JAK2: variants seen among roughly 807,000 people sequenced by gnomAD.
JAK2 encodes the protein Janus kinase 2, also known as tyrosine-protein kinase JAK2.
A neutral mutation model predicts 139.3 loss-of-function variants in JAK2; 86 were observed. The ratio of observed to expected loss-of-function variants is 0.62; its 90% CI spans 0.52 to 0.74. The LOEUF is 0.74. JAK2 is among the 30% of genes least tolerant of loss of function. The probability of loss-of-function intolerance (pLI) is 0.00; values close to 1 mark genes in which losing one functional copy is unlikely to be tolerated. For synonymous variants in JAK2, 490 were observed against 437.7 expected (o/e 1.12, Z -1.49); for missense variants, 1,421 against 1,360.3 (o/e 1.04, Z -0.70).
intron 4 of JAK2, among the ~76,000 whole-genome samples, chr9:5,031,613 A>C (rs1823152854): frequency 6.6e-6 from 1 of 152,252 alleles, no homozygotes; most frequent in Admixed American, 6.5e-5. Flanking sequence ...TGTAAAGAAA[A>C]TCAAACTATA....
intron 4 of JAK2, among the ~76,000 whole-genome samples, chr9:5,035,983 C>G (rs1391145252): frequency 2.6e-5 from 4 of 152,080 alleles, no homozygotes; most frequent in Non-Finnish European, 5.9e-5. Flanking sequence ...TGGAAAACCC[C>G]ATCGTCTCAG....
chr9:5,004,768 T>C (rs562559379), intron 2 of JAK2, among the ~76,000 whole-genome samples: 36 of 152,282 alleles, frequency 2.4e-4, no homozygotes, highest in African/African-American at 8.4e-4. Context: ...AGTTTCTTTT[T>C]CTCCACACAC....
chr9:5,041,488 T>C (rs1316351293), intron 4 of JAK2: 1 of 591,604 alleles, frequency 1.7e-6, no homozygotes, highest in East Asian at 4.0e-5. Flanking sequence ...TCATGAGCGG[T>C]ACAGAAGATC....
Position 5,085,051 on chromosome 9 carries a change from G to A in JAK2, c.2571+3190G>A, listed in dbSNP as rs1819972604. ...AGTTGAATGAGGGCGTCTCTTTCTGGGGATGAGAAGTTTACTGCTCTCTCT... is the reference window on the plus strand; with the variant it reads ...AGTTGAATGAGGGCGTCTCTTTCTGAGGATGAGAAGTTTACTGCTCTCTCT... On this transcript the variant is annotated intron_variant, in intron 19 of 24. Coordinates refer to ENST00000381652, the MANE Select transcript of JAK2 (RefSeq NM_004972.4). The A allele has an allele frequency of 5.3e-6, 4 of 756,240 alleles. No homozygotes were observed. In the Admixed American group the frequency reaches 5.4e-5, roughly 10 times the overall value. 46.8% of individuals were successfully genotyped at this position (756,240 alleles called of 1,614,324 possible). A position where few individuals can be genotyped will look rare whatever the true frequency, so the allele number is the denominator to read the frequency against.
At chr9:5,096,618 G>A (rs916214997) in intron 22 of JAK2, 1 of 152,106 alleles carries the variant, frequency 6.6e-6, no homozygotes, top group Admixed American at 6.5e-5. Flanking sequence ...TCTGTCTTTA[G>A]ATTTACAGTC....
At position 5,086,005 on chromosome 9, in the gene JAK2, GT is replaced by G; in HGVS notation, c.2572-3668del. 4 of 839,366 alleles carry G rather than the reference GT, an allele frequency of 4.8e-6. No homozygotes were observed. In the East Asian group the frequency reaches 9.8e-5, roughly 21 times the overall value. The allele number at this position is 839,366 out of a possible 1,614,324, so 52.0% of individuals were successfully genotyped here. On this transcript the variant is annotated intron_variant, in intron 19 of 24. Coordinates refer to ENST00000381652, the MANE Select transcript of JAK2 (RefSeq NM_004972.4). ...CTGTACGGGGTTGTGTGATGAAACT[GT>G]GATATACTATATACATTTGGACAGG... is the stretch of plus-strand genomic sequence containing the variant.
In JAK2 at chr9:5,078,373, G is replaced by A. The variant is rs1819456416; in HGVS notation, c.2060G>A (p.Arg687Lys). Residue 687 changes from arginine to lysine, a missense_variant, in exon 16 of 25, where the codon AGG (arginine) becomes AAG (lysine). Physicochemically the swap from Arg to Lys is conservative, Grantham distance 26. Coordinates refer to ENST00000381652, the MANE Select transcript of JAK2 (RefSeq NM_004972.4). The part of the protein sequence containing the change: ...KNILLIREED[R>K]KTGNPPFIKL... Reference sequence around the variant, plus strand: ...ATTCTGCTTATCAGAGAAGAAGACAGGAAGACAGGAAATCCTCCTTTCATC... The same window carrying A: ...ATTCTGCTTATCAGAGAAGAAGACAAGAAGACAGGAAATCCTCCTTTCATC... 6.2e-7 allele frequency: 1 copy of A among 1,612,564 alleles called. No homozygotes were observed.
chr9:5,076,860 G>GC (rs1163692727), intron 14 of JAK2, among the ~76,000 whole-genome samples: 1 of 152,064 alleles, frequency 6.6e-6, no homozygotes, highest in Non-Finnish European at 1.5e-5. Context: ...TATCTGAGAG[G>GC]CTCCTGTGGA....
intron 3 of JAK2, among the ~76,000 whole-genome samples, chr9:5,023,657 G>A (rs955610484): frequency 3.3e-5 from 5 of 152,110 alleles, no homozygotes; most frequent in Non-Finnish European, 7.4e-5. Flanking sequence ...AATCCCGGCT[G>A]GGCAGGCTGT....
chr9:5,079,182 G>C (rs564045404), intron 16 of JAK2, among the ~76,000 whole-genome samples: 2 of 152,194 alleles, frequency 1.3e-5, no homozygotes. Context: ...ATTCTTACAG[G>C]GTCTTACATC....
chr9:5,052,093 A>G (rs923351125), intron 6 of JAK2, among the ~76,000 whole-genome samples: 4 of 152,274 alleles, frequency 2.6e-5, no homozygotes, highest in Middle Eastern at 3.4e-3. Flanking sequence ...GAAGGAATTC[A>G]GGGGAACACA....
chr9:5,010,802 C>T (rs1374602786), intron 2 of JAK2, among the ~76,000 whole-genome samples: 2 of 152,154 alleles, frequency 1.3e-5, no homozygotes, highest in African/African-American at 4.8e-5. Flanking sequence ...GATGTACTCT[C>T]TCAGCATCCA....
At chr9:5,111,624 T>C (rs1822549414) in intron 22 of JAK2, 1 of 374,754 alleles carries the variant, frequency 2.7e-6, no homozygotes, top group Admixed American at 3.6e-5. Context: ...TTTGGCCCCA[T>C]GCTGGGCGGG....
intron 3 of JAK2, among the ~76,000 whole-genome samples, chr9:5,027,796 CA>C (rs754198501): frequency 2.0e-5 from 3 of 152,178 alleles, no homozygotes; most frequent in Non-Finnish European, 4.4e-5. Flanking sequence ...TTTGCTCATC[CA>C]TAAAAAGCAA....
rs181850364 is a variant in JAK2 at position 5,013,604 on chromosome 9, T to G, written c.-25-8359T>G. Among the ~76,000 whole-genome samples the G allele has an allele frequency of 1.3e-3, 202 of 152,320 alleles. 1 individual carries two copies. Among genetic ancestry groups the G allele is most frequent in the African/African-American group, 4.0e-3 (165 of 41,578 alleles). On this transcript the variant is annotated intron_variant, in intron 2 of 24. Coordinates refer to ENST00000381652, the MANE Select transcript of JAK2 (RefSeq NM_004972.4). ...TGCTGTGTACATTCCTCTTTCCATGTTTTGCATGCTTTTCTCCCTGCCAAT... is the reference window on the plus strand; with the variant it reads ...TGCTGTGTACATTCCTCTTTCCATGGTTTGCATGCTTTTCTCCCTGCCAAT...
chr9:5,111,894 C>A, intron 22 of JAK2: 1 of 356,860 alleles, frequency 2.8e-6, no homozygotes, highest in South Asian at 2.1e-5. Flanking sequence ...GCTCTGGGGA[C>A]GCCCTCGGGA....
Position 5,044,540 on chromosome 9 carries a change from C to A in JAK2, c.468+20C>A. 7.4e-7 allele frequency: 1 copy of A among 1,353,548 alleles called. No individual in the cohort carries two copies. The allele number at this position is 1,353,548 out of a possible 1,614,324, so 83.8% of individuals were successfully genotyped here. A position where few individuals can be genotyped will look rare whatever the true frequency, so the allele number is the denominator to read the frequency against. On this transcript the variant is annotated intron_variant, in intron 5 of 24. Coordinates refer to ENST00000381652, the MANE Select transcript of JAK2 (RefSeq NM_004972.4). The stretch of plus-strand genomic sequence containing the variant: ...GCTCAGGTATGATTATATTATCTTA[C>A]TTGTACATGAGTTAAATGATAAATA...
At chr9:5,121,504 G>A (rs1823613085) in intron 22 of JAK2, among the ~76,000 whole-genome samples, 1 of 152,150 alleles carries the variant, frequency 6.6e-6, no homozygotes, top group Non-Finnish European at 1.5e-5. Flanking sequence ...TTGGAAGGAG[G>A]CTCCTGCTGA....
chr9:5,066,820 C>G (rs752946811), intron 10 of JAK2, 31 bp downstream of exon 10: 5 of 953,884 alleles, frequency 5.2e-6, no homozygotes, highest in Non-Finnish European at 7.6e-6. Flanking sequence ...AGTGGTAACA[C>G]TTTATTTAGT....
Sources: gnomAD v4.1 joint callset for allele counts (sites outside exome capture counted in the v4.1 genomes callset) on GRCh38, gnomAD v4.1.1 for gene constraint, MANE v1.5 for transcripts, NCBI Gene and HGNC (gene_info 2026-07-23, HGNC 2026-07-21) for gene names.